The following CFHR4 variants were observed in gnomAD, a reference collection of about 807,000 sequenced individuals.
CFHR4 encodes complement factor H related 4.
In CFHR4, 64 loss-of-function variants were observed where a neutral mutation model predicts 69.3. The observed-to-expected ratio is 0.92, with a 90% confidence interval of 0.76 to 1.14. CFHR4 has a LOEUF of 1.14. Among genes scored for constraint, CFHR4 ranks in the 50% most tolerant of loss-of-function variants. The pLI is 0.00. For missense variants in CFHR4, 636 were observed against 684.9 expected (o/e 0.93, Z 0.80); for synonymous variants, 244 against 237.0 (o/e 1.03, Z -0.27).
chr1:196,892,167 G>A lies in CFHR4; in HGVS notation c.58+3959G>A, dbSNP rs768286493. Among the ~76,000 whole-genome samples the A allele has an allele frequency of 1.6e-4, 24 of 151,622 alleles. 1 individual carries two copies. Among genetic ancestry groups the A allele is most frequent in the Middle Eastern group, 3.4e-3 (1 of 294 alleles). On this transcript the variant is annotated intron_variant, in intron 1 of 9. Transcript: ENST00000608469. ...AGAATTGCCGAAGAGACCATACTAC[G>A]TAGGAGAAGTGGATAAAGTGGAATG... is the stretch of plus-strand genomic sequence containing the variant.
chr1:196,899,224 T>C lies in CFHR4; in HGVS notation c.59-3194T>C, dbSNP rs375235125. On this transcript the variant is annotated intron_variant, in intron 1 of 9. Coordinates refer to ENST00000608469, the MANE Select transcript of CFHR4 (RefSeq NM_001201550.3). ...TTCTGTCTCTACAAACATATTCTTT[T>C]TTTTTTCTATCTTGCAGTGCATTGT... Among the ~76,000 whole-genome samples, 165 of 151,690 alleles carry C rather than the reference T, an allele frequency of 1.1e-3. 5 individuals are homozygous for C. Among genetic ancestry groups the C allele is most frequent in the African/African-American group, 3.5e-3 (146 of 41,180 alleles).
Position 196,897,188 on chromosome 1 carries a change from C to T in CFHR4, c.59-5230C>T, listed in dbSNP as rs971373066. On this transcript the variant is annotated intron_variant, in intron 1 of 9. Transcript: ENST00000608469. The stretch of plus-strand genomic sequence containing the variant: ...GAGTTCCCTGATTCCCCTCGCAGGA[C>T]GTGCGAGAGGGGTGTTATCTGCTTT... Among the ~76,000 whole-genome samples, 14 of 151,550 alleles carry T rather than the reference C, an allele frequency of 9.2e-5. 1 individual carries two copies. Among genetic ancestry groups the T allele is most frequent in the African/African-American group, 3.4e-4 (14 of 41,070 alleles).
chr1:196,913,769 A>G (rs1431991917), intron 7 of CFHR4, among the ~76,000 whole-genome samples: 2 of 151,512 alleles, frequency 1.3e-5, no homozygotes, highest in Non-Finnish European at 2.9e-5. Context: ...ATGAGATAAT[A>G]TGGAACCTTG....
At position 196,906,940 on chromosome 1, in the gene CFHR4, C is replaced by G; in HGVS notation, c.519C>G (p.Asp173Glu). Reference protein sequence around the residue: ...GMWFKLHDTLDYECYDGYESS... With the variant: ...GMWFKLHDTLEYECYDGYESS... ...GGTTTAAGCTCCATGACACATTGGA[C>G]TATGAATGCTATGATGGATATGAAA... The change falls in exon 4 of 10, where the codon GAC becomes GAG. Residue 173 changes from aspartate (D) to glutamate (E), a missense_variant. By Grantham distance (45) the Asp-to-Glu change is conservative. This residue lies in a region of CFHR4 where 529 missense variants were observed against 533.2 expected (regional missense o/e 0.99). Coordinates refer to ENST00000608469, the MANE Select transcript of CFHR4 (RefSeq NM_001201550.3). 2 of 1,612,380 alleles carry G rather than the reference C, an allele frequency of 1.2e-6. No homozygotes were observed. The highest frequency in any genetic ancestry group is 1.7e-6 in the Non-Finnish European group (2 of 1,179,448).
At chr1:196,906,139 C>T (rs560235941) in intron 3 of CFHR4, among the ~76,000 whole-genome samples, 69 of 151,000 alleles carry the variant, frequency 4.6e-4, no homozygotes, top group Admixed American at 1.3e-3. Flanking sequence ...AGCCATGAGA[C>T]GAAATGGAAA....
In CFHR4 at chr1:196,914,882, T is replaced by C. The variant is rs1469107683; in HGVS notation, c.1358-74T>C. On this transcript the variant is annotated intron_variant, in intron 8 of 9. Transcript: ENST00000608469. Reference sequence around the variant, plus strand: ...ATCAAATAAGATACAGTTAAGAGTATATAAAAAGCTTTATTTAGAAAGTTT... The same window carrying C: ...ATCAAATAAGATACAGTTAAGAGTACATAAAAAGCTTTATTTAGAAAGTTT... The C allele has an allele frequency of 4.6e-5, 70 of 1,537,290 alleles. No homozygotes were observed. In the Middle Eastern group the frequency reaches 1.1e-3, roughly 24 times the overall value.
intron 9 of CFHR4, among the ~76,000 whole-genome samples, chr1:196,917,887 G>A (rs748442171): frequency 1.3e-5 from 2 of 151,566 alleles, no homozygotes; most frequent in African/African-American, 4.9e-5. Flanking sequence ...AGTGGAACAT[G>A]TTAGCATAAT....
At chr1:196,914,827 A>G in intron 8 of CFHR4, 129 bp from the exon 9 acceptor site, 1 of 1,496,238 alleles carries the variant, frequency 6.7e-7, no homozygotes, top group Non-Finnish European at 8.9e-7. Context: ...AAAAAAAACA[A>G]CGTTGAAAAT....
At chr1:196,898,538 A>G (rs892988796) in intron 1 of CFHR4, among the ~76,000 whole-genome samples, 1 of 151,618 alleles carries the variant, frequency 6.6e-6, no homozygotes, top group Non-Finnish European at 1.5e-5. Flanking sequence ...GTGTATATGA[A>G]TAGATATTTC....
At chr1:196,891,333 A>G (rs1342625865) in intron 1 of CFHR4, among the ~76,000 whole-genome samples, 1 of 151,520 alleles carries the variant, frequency 6.6e-6, no homozygotes, top group African/African-American at 2.4e-5. Context: ...ATCATAAGAA[A>G]ATGTAAGAGT....
intron 1 of CFHR4, among the ~76,000 whole-genome samples, chr1:196,899,032 C>T (rs1040609050): frequency 1.3e-5 from 2 of 151,646 alleles, no homozygotes; most frequent in Admixed American, 1.3e-4. Flanking sequence ...AAATGAGTCA[C>T]TAAGTCCAGC....
At chr1:196,915,616 C>T (rs535146592) in intron 9 of CFHR4, among the ~76,000 whole-genome samples, 1 of 150,400 alleles carries the variant, frequency 6.6e-6, no homozygotes, top group Non-Finnish European at 1.5e-5. Flanking sequence ...GCCTGGGCGA[C>T]AGAGGGAGAC....
intron 1 of CFHR4, among the ~76,000 whole-genome samples, chr1:196,899,455 A>C (rs1657481691): frequency 6.6e-6 from 1 of 151,438 alleles, no homozygotes; most frequent in Non-Finnish European, 1.5e-5. Context: ...CACCATGCCC[A>C]GTTACTTTTT....
chr1:196,901,044 C>T lies in CFHR4; in HGVS notation c.59-1374C>T, dbSNP rs545325829. Among the ~76,000 whole-genome samples, 83 of 151,456 alleles carry T rather than the reference C, an allele frequency of 5.5e-4. 3 individuals carry two copies. Among genetic ancestry groups the T allele is most frequent in the African/African-American group, 1.1e-3 (46 of 41,128 alleles). On this transcript the variant is annotated intron_variant, in intron 1 of 9. Coordinates refer to ENST00000608469, the MANE Select transcript of CFHR4 (RefSeq NM_001201550.3). ...AAACAAAAAGAAATAGATTGATGAA[C>T]GCCAGATGTGTTAAAGACAAATTAT... is the stretch of plus-strand genomic sequence containing the variant.
intron 2 of CFHR4, among the ~76,000 whole-genome samples, chr1:196,903,441 T>C (rs1023053823): frequency 6.7e-6 from 1 of 150,318 alleles, no homozygotes; most frequent in Non-Finnish European, 1.5e-5. Flanking sequence ...TCACTTTAGG[T>C]GAGGAGTTCA....
At chr1:196,909,131 T>C (rs1264007841) in intron 5 of CFHR4, among the ~76,000 whole-genome samples, 1 of 151,562 alleles carries the variant, frequency 6.6e-6, no homozygotes, top group Non-Finnish European at 1.5e-5. Context: ...AGATAAATTC[T>C]GAGTCTTAAA....
intron 1 of CFHR4, among the ~76,000 whole-genome samples, chr1:196,892,645 T>C (rs528054351): frequency 4.6e-5 from 7 of 151,572 alleles, no homozygotes; most frequent in African/African-American, 1.5e-4. Flanking sequence ...TTGAAATTCA[T>C]ATATACATTT....
intron 7 of CFHR4, 52 bp from the exon 8 acceptor site, chr1:196,914,443 G>A: frequency 6.4e-7 from 1 of 1,552,752 alleles, no homozygotes; most frequent in Non-Finnish European, 8.7e-7. Context: ...TCTTAGTTGA[G>A]TTGTGCATCG....
chr1:196,896,597 A>T (rs1283471148), intron 1 of CFHR4, among the ~76,000 whole-genome samples: 2 of 151,648 alleles, frequency 1.3e-5, no homozygotes, highest in Non-Finnish European at 2.9e-5. Flanking sequence ...GTTGCTCCAT[A>T]AATACACATA....
Sources: allele counts gnomAD v4.1 joint callset (sites outside exome capture counted in the v4.1 genomes callset), GRCh38; gene constraint gnomAD v4.1.1; regional missense constraint gnomAD v4.1.1; transcripts MANE v1.5; gene names NCBI Gene and HGNC (gene_info 2026-07-23, HGNC 2026-07-21).